CAMSAP2: variants seen among roughly 807,000 people sequenced by gnomAD.
The protein encoded by CAMSAP2 is calmodulin-regulated spectrin-associated protein 2.
Under a neutral mutation model 146.1 loss-of-function variants are expected in CAMSAP2, and 26 were observed. The observed-to-expected ratio is 0.18, with a 90% CI of 0.13 to 0.25. The LOEUF (loss-of-function observed/expected upper bound fraction) is 0.25. CAMSAP2 is among the 10% of genes least tolerant of loss of function. The probability of loss-of-function intolerance (pLI) is 1.00; values close to 1 mark genes in which losing one functional copy is unlikely to be tolerated. For synonymous variants in CAMSAP2, 499 were observed against 596.6 expected (o/e 0.84, Z 2.38); for missense variants, 1,381 against 1,759.3 (o/e 0.78, Z 3.85).
chr1:200,846,985 G>T (rs1432948562), intron 8 of CAMSAP2, among the ~76,000 whole-genome samples: 1 of 152,052 alleles, frequency 6.6e-6, no homozygotes, highest in Non-Finnish European at 1.5e-5. Context: ...AAGACATTGA[G>T]ATGTATATGA....
At chr1:200,819,973 G>A (rs1430574456) in intron 4 of CAMSAP2, among the ~76,000 whole-genome samples, 3 of 152,096 alleles carry the variant, frequency 2.0e-5, no homozygotes, top group Non-Finnish European at 4.4e-5. Flanking sequence ...GATGAATTTG[G>A]CAGAATCAGT....
intron 2 of CAMSAP2, among the ~76,000 whole-genome samples, chr1:200,774,500 A>T (rs968959774): frequency 6.6e-6 from 1 of 152,222 alleles, no homozygotes; most frequent in Non-Finnish European, 1.5e-5. Flanking sequence ...TCCTGAAGCT[A>T]AAACTGTTAG....
intron 2 of CAMSAP2, among the ~76,000 whole-genome samples, chr1:200,774,084 T>C (rs1243736316): frequency 2.0e-5 from 3 of 152,122 alleles, no homozygotes; most frequent in Non-Finnish European, 4.4e-5. Context: ...TGGCCATCCA[T>C]ACCCCAGTGT....
intron 1 of CAMSAP2, among the ~76,000 whole-genome samples, chr1:200,751,535 C>CAAAAAAAAAAAAAAAAAAA (rs35294926): frequency 2.4e-5 from 1 of 41,594 alleles, no homozygotes. Flanking sequence ...GACTCCATCT[C>CAAAAAAAAAAAAAAAAAAA]AAAAAAAAAA....
At chr1:200,807,687 C>A in intron 3 of CAMSAP2, 150 bp downstream of exon 3, 2 of 362,514 alleles carry the variant, frequency 5.5e-6, no homozygotes, top group Non-Finnish European at 9.4e-6. Context: ...AGTAAAAAAG[C>A]TTAAAATGAT....
chr1:200,850,120 C>G lies in CAMSAP2; in HGVS notation c.3351C>G (p.Leu1117=). 1 of 1,614,086 alleles carries G rather than the reference C, an allele frequency of 6.2e-7. No homozygotes were observed. ...ATGTTAATCTGATTGAAGTTTCCCTCTCAGATTTGAAACCCCCTGAAAAGG... is the reference window on the plus strand; with the variant it reads ...ATGTTAATCTGATTGAAGTTTCCCTGTCAGATTTGAAACCCCCTGAAAAGG... ...PKNVNLIEVS[L]SDLKPPEKAD... The change falls in exon 11 of 17, where the codon CTC becomes CTG. Residue 1117 remains leucine (L), a synonymous_variant. Coordinates refer to ENST00000358823, the MANE Select transcript of CAMSAP2 (RefSeq NM_203459.4).
chr1:200,843,961 T>G (rs1397437052), intron 7 of CAMSAP2, among the ~76,000 whole-genome samples: 2 of 152,020 alleles, frequency 1.3e-5, no homozygotes, highest in Admixed American at 6.5e-5. Context: ...AGGCTCCATC[T>G]CCCAGGTTCA....
In CAMSAP2 at chr1:200,775,782, C is replaced by T. The variant is rs568692618; in HGVS notation, c.399+14684C>T. 1.5e-4 allele frequency among the ~76,000 whole-genome samples: 23 copies of T among 152,248 alleles called. No homozygotes were observed. In the South Asian group the frequency reaches 3.1e-3, roughly 21 times the overall value. ...CTGACCTCAGGTGATCCACCCCCCT[C>T]GGCCTCCCAAAGTGCTGGGATTATG... On this transcript the variant is annotated intron_variant, in intron 2 of 16. Transcript: ENST00000358823.
In CAMSAP2 at chr1:200,848,746, A is replaced by G. The variant is rs1667530557; in HGVS notation, c.1977A>G (p.Glu659=). 2 of 1,614,090 alleles carry G rather than the reference A, an allele frequency of 1.2e-6. No homozygotes were observed. Among genetic ancestry groups the G allele is most frequent in the African/African-American group, 2.7e-5 (2 of 74,944 alleles). The change falls in exon 11 of 17, where the codon GAA becomes GAG. Residue 659 remains glutamate (E), a synonymous_variant. Transcript: ENST00000358823. ...DYDIRTGNTR[E]ALSPCPSTVS... ...ATATTCGAACTGGCAACACCAGGGA[A>G]GCTTTGAGTCCTTGTCCAAGTACTG... is the stretch of plus-strand genomic sequence containing the variant.
At chr1:200,772,453 A>G (rs1048222877) in intron 2 of CAMSAP2, among the ~76,000 whole-genome samples, 5 of 152,106 alleles carry the variant, frequency 3.3e-5, no homozygotes, top group African/African-American at 1.2e-4. Context: ...TACTAAACAT[A>G]CAAAAACTAG....
At chr1:200,749,386 C>T (rs938361962) in intron 1 of CAMSAP2, among the ~76,000 whole-genome samples, 20 of 152,152 alleles carry the variant, frequency 1.3e-4, no homozygotes, top group African/African-American at 4.6e-4. Flanking sequence ...TGGGCATCAT[C>T]AATGGGTAGC....
intron 11 of CAMSAP2, 60 bp downstream of exon 11, chr1:200,850,294 A>AT: frequency 7.0e-7 from 1 of 1,433,890 alleles, no homozygotes; most frequent in Non-Finnish European, 9.3e-7. Context: ...GTTGTGTTGG[A>AT]TATTTTTTTT....
intron 2 of CAMSAP2, among the ~76,000 whole-genome samples, chr1:200,768,270 G>A (rs999662755): frequency 2.6e-5 from 4 of 152,158 alleles, no homozygotes; most frequent in East Asian, 1.9e-4. Flanking sequence ...TGTGTTGTAC[G>A]GTATTGTATT....
Position 200,854,883 on chromosome 1 carries a change from C to T in CAMSAP2, c.3890C>T (p.Thr1297Met), listed in dbSNP as rs552217715. ...GAGAGTGTACATTCAGGCAAGAGGA[C>T]GCCAAGGTAAATCTATAACGTATGA... is the stretch of plus-strand genomic sequence containing the variant. ...DNESVHSGKR[T>M]PRSESVEGFL... is the part of the protein sequence containing the mutation. Residue 1297 changes from threonine to methionine, a missense_variant, in exon 14 of 17, where the codon ACG becomes ATG. This residue lies in a region of CAMSAP2 where 560 missense variants were observed against 715.9 expected (regional missense o/e 0.78). Coordinates refer to ENST00000358823, the MANE Select transcript of CAMSAP2 (RefSeq NM_203459.4). 59 of 1,605,404 alleles carry T rather than the reference C, an allele frequency of 3.7e-5. No individual in the cohort carries two copies. The East Asian group carries it at 1.1e-3, about 30-fold the overall frequency.
chr1:200,841,390 G>T (rs1667318910), intron 6 of CAMSAP2, among the ~76,000 whole-genome samples: 1 of 152,090 alleles, frequency 6.6e-6, no homozygotes, highest in Non-Finnish European at 1.5e-5. Flanking sequence ...AGGATTACAG[G>T]CACGCGCCAC....
At chr1:200,774,164 C>T (rs1433490607) in intron 2 of CAMSAP2, among the ~76,000 whole-genome samples, 1 of 152,072 alleles carries the variant, frequency 6.6e-6, no homozygotes, top group East Asian at 1.9e-4. Flanking sequence ...TAGGTTATAG[C>T]AGTGAAGCAG....
At position 200,832,644 on chromosome 1, in the gene CAMSAP2, A is replaced by G; in HGVS notation, c.788-62A>G. 7.5e-7 allele frequency: 1 copy of G among 1,339,080 alleles called. No homozygotes were observed. Among genetic ancestry groups the G allele is most frequent in the South Asian group, 1.5e-5 (1 of 65,972 alleles). 82.9% of individuals were successfully genotyped at this position (1,339,080 alleles called of 1,614,324 possible). A position where few individuals can be genotyped will look rare whatever the true frequency, so the allele number is the denominator to read the frequency against. Reference sequence around the variant, plus strand: ...TGTATTTGTACTAATTACAAGATGGATATGAAATATTTATTATCAAATTAA... The same window carrying G: ...TGTATTTGTACTAATTACAAGATGGGTATGAAATATTTATTATCAAATTAA... On this transcript the variant is annotated intron_variant, in intron 5 of 16. Transcript: ENST00000358823. This position sits in a 1 kb window ranked among gnomAD's most constrained non-coding sequence, Gnocchi z 4.2.
intron 14 of CAMSAP2, 132 bp from the exon 15 acceptor site, chr1:200,855,878 A>C (rs1667737108): frequency 1.6e-6 from 1 of 619,374 alleles, no homozygotes; most frequent in South Asian, 2.2e-5. Flanking sequence ...TACAGGCATG[A>C]GCCACCGCGC....
intron 4 of CAMSAP2, among the ~76,000 whole-genome samples, chr1:200,818,007 T>G (rs1208935779): frequency 6.6e-6 from 1 of 152,200 alleles, no homozygotes; most frequent in East Asian, 1.9e-4. Context: ...CTTTCTCTTT[T>G]TCATAATCAT....
Sources: allele counts gnomAD v4.1 joint callset (sites outside exome capture counted in the v4.1 genomes callset), GRCh38; gene constraint gnomAD v4.1.1; regional missense constraint gnomAD v4.1.1; non-coding constraint Gnocchi (gnomAD v3.1); transcripts MANE v1.5; gene names NCBI Gene and HGNC (gene_info 2026-07-23, HGNC 2026-07-21).